The following RNF111 variants were observed in gnomAD, a reference collection of about 807,000 sequenced individuals.
The protein encoded by RNF111 is E3 ubiquitin-protein ligase Arkadia.
In RNF111, 17 loss-of-function variants were observed where a neutral mutation model predicts 95.1. The observed-to-expected ratio is 0.18, with a 90% CI of 0.12 to 0.27. The LOEUF (loss-of-function observed/expected upper bound fraction) is 0.27, where lower values mean the gene tolerates loss of function less well. RNF111 is among the 10% of genes least tolerant of loss of function. The probability of loss-of-function intolerance (pLI) is 1.00; values close to 1 mark genes in which losing one functional copy is unlikely to be tolerated. For synonymous variants in RNF111, 440 were observed against 414.8 expected (o/e 1.06, Z -0.74); for missense variants, 1,189 against 1,210.4 (o/e 0.98, Z 0.26).
intron 1 of RNF111, among the ~76,000 whole-genome samples, chr15:59,023,018 G>C (rs554083354): frequency 6.6e-6 from 1 of 152,144 alleles, no homozygotes; most frequent in African/African-American, 2.4e-5. Flanking sequence ...AGGCCGAGGC[G>C]GGAGGATCAC....
intron 2 of RNF111, among the ~76,000 whole-genome samples, chr15:59,051,643 C>A (rs2041988613): frequency 6.6e-6 from 1 of 151,528 alleles, no homozygotes; most frequent in Non-Finnish European, 1.5e-5. Context: ...GTGGTGCATG[C>A]CTGTAGTCCC....
intron 2 of RNF111, chr15:59,050,406 ATGG>A (rs1362440930): frequency 6.6e-6 from 1 of 152,522 alleles, no homozygotes; most frequent in African/African-American, 2.4e-5. Flanking sequence ...TTATTGGAAG[ATGG>A]TGGTTTCTGG....
intron 2 of RNF111, among the ~76,000 whole-genome samples, chr15:59,043,387 C>T (rs1245371775): frequency 1.3e-5 from 2 of 152,114 alleles, no homozygotes; most frequent in Non-Finnish European, 2.9e-5. Flanking sequence ...GAACTCCTGA[C>T]CTCAGGTGAT....
chr15:59,052,548 A>G, intron 3 of RNF111, 117 bp downstream of exon 3: 1 of 531,084 alleles, frequency 1.9e-6, no homozygotes, highest in Non-Finnish European at 2.9e-6. Context: ...CAGTTTGAGT[A>G]TGCATATATC....
At chr15:59,058,606 GTAT>G (rs1472263168) in intron 5 of RNF111, 56 bp downstream of exon 5, 7 of 1,473,506 alleles carry the variant, frequency 4.8e-6, no homozygotes, top group East Asian at 2.3e-5. Flanking sequence ...GTTAGGAAAA[GTAT>G]TATTGTTTTT....
intron 2 of RNF111, among the ~76,000 whole-genome samples, chr15:59,049,887 G>A (rs1183997906): frequency 6.9e-6 from 1 of 144,836 alleles, no homozygotes; most frequent in African/African-American, 2.6e-5. Flanking sequence ...GATTACAGGT[G>A]CGTGCCACCA....
At chr15:59,073,506 A>G (rs2043034118) in intron 6 of RNF111, among the ~76,000 whole-genome samples, 1 of 151,732 alleles carries the variant, frequency 6.6e-6, no homozygotes, top group African/African-American at 2.4e-5. Flanking sequence ...TAAATAAACT[A>G]CTTTCTTTGC....
At chr15:59,005,487 C>T (rs2039501936) in intron 1 of RNF111, among the ~76,000 whole-genome samples, 1 of 152,206 alleles carries the variant, frequency 6.6e-6, no homozygotes, top group African/African-American at 2.4e-5. Flanking sequence ...CCCGCATTCT[C>T]AGGACAGCTG....
intron 1 of RNF111, among the ~76,000 whole-genome samples, chr15:59,022,827 A>G (rs2040410344): frequency 6.6e-6 from 1 of 152,182 alleles, no homozygotes; most frequent in Admixed American, 6.5e-5. Context: ...CTCTCTACCT[A>G]GAGGGTGTCT....
chr15:59,003,649 G>A (rs2039420819), intron 1 of RNF111, among the ~76,000 whole-genome samples: 1 of 152,182 alleles, frequency 6.6e-6, no homozygotes, highest in Non-Finnish European at 1.5e-5. Flanking sequence ...CGATCTGCCT[G>A]CCTCAGCCTC....
rs1474717599 is a variant in RNF111 at position 59,080,991 on chromosome 15, T to C, written c.2004T>C (p.His668=). 8 of 1,614,072 alleles carry C rather than the reference T, an allele frequency of 5.0e-6. No homozygotes were observed. Among genetic ancestry groups the C allele is most frequent in the Non-Finnish European group, 6.8e-6 (8 of 1,179,978 alleles). Residue 668 remains histidine, a synonymous_variant, in exon 8 of 14, where the codon CAT becomes CAC. Transcript: ENST00000348370. ...HHQASACPHS[H]GNPPPQTQPP... ...AAGCTTCTGCCTGCCCGCATTCTCATGGAAACCCCCCTCCTCAGACTCAGC... is the reference window on the plus strand; with the variant it reads ...AAGCTTCTGCCTGCCCGCATTCTCACGGAAACCCCCCTCCTCAGACTCAGC...
At chr15:59,031,778 C>A in intron 2 of RNF111, 76 bp downstream of exon 2, 2 of 1,328,642 alleles carry the variant, frequency 1.5e-6, no homozygotes, top group Non-Finnish European at 1.0e-6. Flanking sequence ...TTGTGTCTTA[C>A]TGATTTTATT....
chr15:59,071,702 AAAAT>A (rs1358344251), intron 6 of RNF111, among the ~76,000 whole-genome samples: 25 of 151,790 alleles, frequency 1.6e-4, no homozygotes, highest in African/African-American at 5.8e-4. Flanking sequence ...AAAAAAAAAA[AAAAT>A]AAAGTTTTTG....
At chr15:59,083,776 G>A (rs1300189598) in intron 8 of RNF111, among the ~76,000 whole-genome samples, 1 of 151,516 alleles carries the variant, frequency 6.6e-6, no homozygotes, top group African/African-American at 2.4e-5. Context: ...ATTTGCCTGG[G>A]GTATTTAATT....
rs180789117 is a variant in RNF111 at position 59,049,100 on chromosome 15, T to C, written c.881-3205T>C. On this transcript the variant is annotated intron_variant, in intron 2 of 13. Transcript: ENST00000348370. ...CCTGTCTCACACACACACAAAAAAG[T>C]ATATTTACATTTGTTGTGAAACAGA... 2.4e-4 allele frequency among the ~76,000 whole-genome samples: 37 copies of C among 152,156 alleles called. 1 individual carries two copies. Among genetic ancestry groups the C allele is most frequent in the Admixed American group, 2.1e-3 (32 of 15,268 alleles).
At chr15:59,025,890 C>G (rs2040581417) in intron 1 of RNF111, among the ~76,000 whole-genome samples, 2 of 152,156 alleles carry the variant, frequency 1.3e-5, no homozygotes, top group Admixed American at 1.3e-4. Flanking sequence ...GCCACCACGC[C>G]TGGCTAACTT....
chr15:59,000,763 G>A (rs62002513), intron 1 of RNF111, among the ~76,000 whole-genome samples: 10,091 of 151,734 alleles, frequency 0.067, 432 homozygotes, highest in Non-Finnish European at 0.1. Flanking sequence ...ATTTTTGATG[G>A]TAGATGAGCC....
intron 2 of RNF111, among the ~76,000 whole-genome samples, chr15:59,033,655 G>C (rs180762081): frequency 2.3e-3 from 346 of 152,236 alleles, no homozygotes; most frequent in Non-Finnish European, 3.5e-3. Flanking sequence ...GTTTATAGGG[G>C]AATGAGAATA....
chr15:59,019,685 G>C (rs1351075550), intron 1 of RNF111, among the ~76,000 whole-genome samples: 1 of 152,114 alleles, frequency 6.6e-6, no homozygotes, highest in African/African-American at 2.4e-5. Flanking sequence ...TAAGCCAGGC[G>C]TGGTGGCTTA....
Sources: gnomAD v4.1 joint callset for allele counts (sites outside exome capture counted in the v4.1 genomes callset) on GRCh38, gnomAD v4.1.1 for gene constraint, MANE v1.5 for transcripts, NCBI Gene and HGNC (gene_info 2026-07-23, HGNC 2026-07-21) for gene names.